Variants in MFSD8 observed in about 807,000 individuals in gnomAD.
MFSD8 encodes the protein major facilitator superfamily domain-containing protein 8.
Under a neutral mutation model 66.4 loss-of-function variants are expected in MFSD8, and 55 were observed. That is an observed-to-expected ratio of 0.83 (90% CI 0.67 to 1.04). The LOEUF (loss-of-function observed/expected upper bound fraction) is 1.04, where lower values mean the gene tolerates loss of function less well. Ranked by LOEUF, MFSD8 falls within the 50% of genes least tolerant of loss-of-function variation. The probability of loss-of-function intolerance (pLI) is 0.00; values close to 1 mark genes in which losing one functional copy is unlikely to be tolerated. For missense variants in MFSD8, 550 were observed against 627.6 expected, an observed-to-expected ratio of 0.88 and a Z score of 1.32; for synonymous variants, 202 against 212.8, an observed-to-expected ratio of 0.95 and a Z score of 0.44.
intron 8 of MFSD8, among the ~76,000 whole-genome samples, chr4:127,931,592 A>T (rs1487107344): frequency 2.6e-5 from 4 of 152,228 alleles, no homozygotes; most frequent in African/African-American, 9.6e-5. Flanking sequence ...CCTGACCTCA[A>T]GTGATACACC....
At chr4:127,949,754 A>G in intron 3 of MFSD8, 50 bp downstream of exon 3, 9 of 1,476,040 alleles carry the variant, frequency 6.1e-6, no homozygotes, top group Non-Finnish European at 8.5e-6. Flanking sequence ...ACTACGTAAG[A>G]GTTACTACTA....
chr4:127,937,270 A>G (rs1457080191), intron 7 of MFSD8, among the ~76,000 whole-genome samples: 4 of 152,206 alleles, frequency 2.6e-5, no homozygotes, highest in Admixed American at 2.0e-4. Flanking sequence ...GAGTAACAGC[A>G]TATTCAGCTT....
In MFSD8 at chr4:127,943,859, A is replaced by G. The variant is rs145633957; in HGVS notation, c.332T>C (p.Ile111Thr). Residue 111 changes from isoleucine (I) to threonine (T), a missense_variant, in exon 4 of 12, where the codon ATC (isoleucine) becomes ACC (threonine). Ile to Thr is a moderately conservative substitution (Grantham distance 89). Transcript: ENST00000641686. ...RPRKEPLIVS[I>T]LISVAANCLY... ...GCAGTTGGCTGCCACGGAAATCAAG[A>G]TGGAGACAATAAGAGGCTCTTTTCT... is the stretch of plus-strand genomic sequence containing the variant. The G allele has an allele frequency of 1.9e-6, 3 of 1,614,048 alleles. No homozygotes were observed. Among genetic ancestry groups the G allele is most frequent in the Non-Finnish European group, 2.5e-6 (3 of 1,180,038 alleles).
chr4:127,923,552 T>TTTATTTATTA lies in MFSD8; in HGVS notation c.999-1590_999-1589insTAATAAATAA, dbSNP rs1322039631. Reference sequence around the variant, plus strand: ...TCCAGTATTTTATTTTTTATTTTTATTTATTATTATTATTATTATTATTAT... The same window carrying TTTATTTATTA: ...TCCAGTATTTTATTTTTTATTTTTATTTATTTATTATTATTATTATTATTATTATTATTAT... On this transcript the variant is annotated intron_variant, in intron 9 of 11. Transcript: ENST00000641686. Among the ~76,000 whole-genome samples the TTTATTTATTA allele has an allele frequency of 4.2e-3, 552 of 130,542 alleles. 3 individuals carry two copies. The highest frequency in any genetic ancestry group is 0.014 in the African/African-American group (482 of 34,450). 85.6% of individuals were successfully genotyped at this position (130,542 alleles called of 152,430 possible). A position where few individuals can be genotyped will look rare whatever the true frequency, so the allele number is the denominator to read the frequency against.
chr4:127,965,867 C>T (rs1279475056), upstream of MFSD8: 2 of 152,876 alleles, frequency 1.3e-5, no homozygotes, highest in African/African-American at 4.8e-5. Context: ...GCTCTCTTCT[C>T]TAGCTCGGCT....
At position 127,932,977 on chromosome 4, in the gene MFSD8, A is replaced by G. The variant is rs766959611; in HGVS notation, c.863+8T>C. On this transcript the variant is annotated splice_region_variant and intron_variant, in intron 8 of 11. Transcript: ENST00000641686. Reference sequence around the variant, plus strand: ...ATCTGATTCAGATGAAGATGGAATAAAACTTACGTTTCAAAAAGGGCAAAG... The same window carrying G: ...ATCTGATTCAGATGAAGATGGAATAGAACTTACGTTTCAAAAAGGGCAAAG... 3 of 1,601,122 alleles carry G rather than the reference A, an allele frequency of 1.9e-6. No homozygotes were observed. The highest frequency in any genetic ancestry group is 1.7e-6 in the Non-Finnish European group (2 of 1,168,358).
chr4:127,951,876 G>A (rs567985654), intron 2 of MFSD8, among the ~76,000 whole-genome samples: 11 of 151,324 alleles, frequency 7.3e-5, no homozygotes, highest in Non-Finnish European at 1.5e-4. Context: ...TTACAAGCAC[G>A]TGCCACCACA....
intron 1 of MFSD8, among the ~76,000 whole-genome samples, chr4:127,959,345 C>A (rs553998521): frequency 8.2e-4 from 124 of 152,142 alleles, no homozygotes; most frequent in Non-Finnish European, 1.4e-3. Flanking sequence ...GACCTAACAA[C>A]AAATGCATAA....
chr4:127,933,206 A>T (rs1321505037), intron 7 of MFSD8, 113 bp from the exon 8 acceptor site: 2 of 838,442 alleles, frequency 2.4e-6, no homozygotes, highest in African/African-American at 3.5e-5. Context: ...CATTTAAAAA[A>T]ATTTTTAGGC....
At chr4:127,923,538 AT>A (rs1018901408) in intron 9 of MFSD8, among the ~76,000 whole-genome samples, 3 of 128,242 alleles carry the variant, frequency 2.3e-5, no homozygotes, top group Non-Finnish European at 4.7e-5. Context: ...CCAGTATTTT[AT>A]TTTTTATTTT....
Position 127,930,718 on chromosome 4 carries a change from A to T in MFSD8, c.963T>A (p.Val321=), listed in dbSNP as rs762491362. The T allele has an allele frequency of 1.6e-5, 26 of 1,613,582 alleles. No homozygotes were observed. The highest frequency in any genetic ancestry group is 1.3e-5 in the African/African-American group (1 of 74,924). Residue 321 remains valine, a synonymous_variant, in exon 9 of 12, where the codon GTT becomes GTA. Transcript: ENST00000641686. ...GCAACTTAACTCCTAAGAAAATAAC[A>T]ACGGCTTCAACCCCAAGAGCAGCAA... is the stretch of plus-strand genomic sequence containing the variant. ...IILAALGVEA[V]VIFLGVKLLS...
chr4:127,956,595 G>C (rs1386461324), intron 2 of MFSD8, among the ~76,000 whole-genome samples: 3 of 151,956 alleles, frequency 2.0e-5, no homozygotes, highest in Non-Finnish European at 4.4e-5. Context: ...GAGGTGGGCA[G>C]ATCACCTGAG....
chr4:127,930,620 G>A, intron 9 of MFSD8, 63 bp downstream of exon 9: 1 of 1,577,656 alleles, frequency 6.3e-7, no homozygotes, highest in Non-Finnish European at 8.7e-7. Flanking sequence ...CATTTGCATT[G>A]TTAGCTCTGT....
intron 7 of MFSD8, 141 bp from the exon 8 acceptor site, chr4:127,933,234 A>C (rs1311675584): frequency 3.1e-6 from 2 of 653,236 alleles, no homozygotes; most frequent in Non-Finnish European, 5.3e-6. Flanking sequence ...TAGTTTAATA[A>C]TAAGAGAATT....
chr4:127,934,150 C>T (rs560681090), intron 7 of MFSD8, among the ~76,000 whole-genome samples: 140 of 152,086 alleles, frequency 9.2e-4, no homozygotes, highest in African/African-American at 3.0e-3. Context: ...GGCTGAGGCA[C>T]GAGAATTGCT....
chr4:127,958,386 CCTT>C (rs551617500), intron 1 of MFSD8, among the ~76,000 whole-genome samples: 222 of 152,182 alleles, frequency 1.5e-3, no homozygotes, highest in African/African-American at 5.0e-3. Context: ...AGACAAAATG[CCTT>C]CTTATGTTCC....
intron 7 of MFSD8, among the ~76,000 whole-genome samples, chr4:127,938,560 G>A (rs1739470842): frequency 6.8e-6 from 1 of 147,916 alleles, no homozygotes; most frequent in African/African-American, 2.5e-5. Flanking sequence ...TCCAGCCTGG[G>A]CGACAGAGCG....
At chr4:127,962,502 T>A (rs1743961829) in intron 1 of MFSD8, among the ~76,000 whole-genome samples, 1 of 150,984 alleles carries the variant, frequency 6.6e-6, no homozygotes, top group South Asian at 2.1e-4. Context: ...TAAATTGGTA[T>A]AGAAGCAACA....
At chr4:127,935,402 G>A (rs1738899571) in intron 7 of MFSD8, among the ~76,000 whole-genome samples, 1 of 151,956 alleles carries the variant, frequency 6.6e-6, no homozygotes, top group Non-Finnish European at 1.5e-5. Context: ...TAGACTATGG[G>A]GATTGACTAG....
Sources: gnomAD v4.1 joint callset for allele counts (sites outside exome capture counted in the v4.1 genomes callset) on GRCh38, gnomAD v4.1.1 for gene constraint, MANE v1.5 for transcripts, NCBI Gene and HGNC (gene_info 2026-07-23, HGNC 2026-07-21) for gene names.